RAP1GAP2: variants seen among roughly 807,000 people sequenced by gnomAD.
The protein encoded by RAP1GAP2 is rap1 GTPase-activating protein 2.
A neutral mutation model predicts 95.0 loss-of-function variants in RAP1GAP2; 27 were observed. The ratio of observed to expected loss-of-function variants is 0.28; its 90% confidence interval spans 0.21 to 0.39. The LOEUF (loss-of-function observed/expected upper bound fraction) is 0.39. Among genes scored for constraint, RAP1GAP2 ranks in the 10% least tolerant of loss-of-function variants. The pLI is 1.00. For missense variants in RAP1GAP2, 771 were observed against 970.0 expected (o/e 0.79, Z 2.72); for synonymous variants, 373 against 380.9 (o/e 0.98, Z 0.24).
chr17:2,821,804 A>G (rs770109405), intron 2 of RAP1GAP2, among the ~76,000 whole-genome samples: 6 of 152,092 alleles, frequency 3.9e-5, no homozygotes, highest in Non-Finnish European at 8.8e-5. Context: ...ACGCAGGTAC[A>G]GAACATTACA....
In RAP1GAP2 at chr17:2,797,421, G is replaced by A. The variant is rs2069124753; in HGVS notation, c.44+850G>A. On this transcript the variant is annotated intron_variant, in intron 1 of 24. Coordinates refer to ENST00000254695, the MANE Select transcript of RAP1GAP2 (RefSeq NM_015085.5). This position sits in a 1 kb window ranked among gnomAD's most constrained non-coding sequence, Gnocchi z 5.6. ...CGCAGCTGGGGAACAGAGTCTGGTG[G>A]TTTTCATGATCGGTTTCCTTTCAGT... is the stretch of plus-strand genomic sequence containing the variant. Among the ~76,000 whole-genome samples, 1 of 152,134 alleles carries A rather than the reference G, an allele frequency of 6.6e-6. No homozygotes were observed. The highest frequency in any genetic ancestry group is 1.5e-5 in the Non-Finnish European group (1 of 68,042).
intron 3 of RAP1GAP2, among the ~76,000 whole-genome samples, chr17:2,930,541 C>T (rs1387374857): frequency 1.3e-5 from 2 of 152,214 alleles, no homozygotes; most frequent in Non-Finnish European, 2.9e-5. Context: ...TTCAGTCTTG[C>T]CTGGCCTGCA....
intron 1 of RAP1GAP2, chr17:2,800,116 T>C (rs2151478495): frequency 1.2e-6 from 1 of 858,058 alleles, no homozygotes. Context: ...CAGATTGACA[T>C]CCGTGCTGAC....
chr17:2,848,910 C>T (rs1338677887), intron 2 of RAP1GAP2, among the ~76,000 whole-genome samples: 1 of 152,196 alleles, frequency 6.6e-6, no homozygotes, highest in Non-Finnish European at 1.5e-5. Context: ...TCTTCCCCCT[C>T]CTCTGTCTTC....
At chr17:2,806,379 A>T (rs999000518) in intron 2 of RAP1GAP2, among the ~76,000 whole-genome samples, 3 of 140,036 alleles carry the variant, frequency 2.1e-5, no homozygotes, top group Non-Finnish European at 3.0e-5. Context: ...CAACCTTTTT[A>T]TTATTATTAT....
chr17:2,828,330 C>A (rs2070674810), intron 2 of RAP1GAP2, among the ~76,000 whole-genome samples: 1 of 132,452 alleles, frequency 7.5e-6, no homozygotes, highest in Non-Finnish European at 1.6e-5. Flanking sequence ...GACAGTGAGA[C>A]TCCATCTCAA....
At chr17:2,838,623 C>G (rs975573084) in intron 2 of RAP1GAP2, among the ~76,000 whole-genome samples, 1 of 152,112 alleles carries the variant, frequency 6.6e-6, no homozygotes, top group South Asian at 2.1e-4. Context: ...GCTCATTCTC[C>G]GAGCTCCAGA....
chr17:2,962,588 C>T (rs1016969031), intron 4 of RAP1GAP2, 82 bp from the exon 5 acceptor site: 38 of 1,408,106 alleles, frequency 2.7e-5, no homozygotes, highest in Middle Eastern at 1.9e-4. Context: ...TTACTAACCC[C>T]CTGTAAGGCC....
intron 3 of RAP1GAP2, among the ~76,000 whole-genome samples, chr17:2,955,674 G>A (rs900892821): frequency 1.3e-5 from 2 of 152,020 alleles, no homozygotes; most frequent in African/African-American, 4.8e-5. Flanking sequence ...GCTTTCCTTC[G>A]TGCGTCGTTT....
At chr17:2,818,088 G>A (rs1229050016) in intron 2 of RAP1GAP2, among the ~76,000 whole-genome samples, 2 of 149,038 alleles carry the variant, frequency 1.3e-5, no homozygotes, top group African/African-American at 5.0e-5. Flanking sequence ...TGCCCTCCTC[G>A]GCCTCCTAAA....
At chr17:2,765,968 C>CCAAA (rs920421300) in intron 1 of RAP1GAP2, among the ~76,000 whole-genome samples, 184 of 152,048 alleles carry the variant, frequency 1.2e-3, no homozygotes, top group African/African-American at 3.4e-3. Context: ...GAACCTGTCT[C>CCAAA]CAAACAAACA....
chr17:2,956,905 G>A (rs1302528133), intron 3 of RAP1GAP2, among the ~76,000 whole-genome samples: 3 of 152,128 alleles, frequency 2.0e-5, no homozygotes, highest in South Asian at 2.1e-4. Context: ...AAGGCGGGAG[G>A]ATCACAAGGT....
chr17:2,776,021 A>T (rs150801659), upstream of RAP1GAP2, among the ~76,000 whole-genome samples: 2 of 152,198 alleles, frequency 1.3e-5, no homozygotes, highest in Admixed American at 1.3e-4. Flanking sequence ...TCTACTAAAA[A>T]TACAAAAAGT....
chr17:2,863,847 G>A (rs947311503), intron 2 of RAP1GAP2, among the ~76,000 whole-genome samples: 1 of 152,028 alleles, frequency 6.6e-6, no homozygotes, highest in African/African-American at 2.4e-5. Context: ...ACCTGAGGTC[G>A]GGAGTTCGAG....
Position 2,866,014 on chromosome 17 carries a change from C to T in RAP1GAP2, c.81-39270C>T, listed in dbSNP as rs574544875. 1.6e-4 allele frequency among the ~76,000 whole-genome samples: 25 copies of T among 152,230 alleles called. No homozygotes were observed. Among genetic ancestry groups the T allele is most frequent in the Non-Finnish European group, 2.6e-4 (18 of 68,046 alleles). The stretch of plus-strand genomic sequence containing the variant: ...CCATGCTCCTGAAGCAGAGATCAAC[C>T]ATGGAATGTGAATCCAAGACAGAAG... On this transcript the variant is annotated intron_variant, in intron 2 of 24. Transcript: ENST00000254695. This position sits in a 1 kb window ranked among gnomAD's most constrained non-coding sequence, Gnocchi z 4.0.
At chr17:2,977,138 GAAAA>G (rs538717532) in intron 8 of RAP1GAP2, among the ~76,000 whole-genome samples, 1 of 145,924 alleles carries the variant, frequency 6.9e-6, no homozygotes, top group South Asian at 2.2e-4. Context: ...AAAAAAAAAA[GAAAA>G]AAAGAAAAGA....
intron 2 of RAP1GAP2, among the ~76,000 whole-genome samples, chr17:2,865,085 CAG>C (rs1419545692): frequency 6.6e-6 from 1 of 152,170 alleles, no homozygotes; most frequent in East Asian, 1.9e-4. Context: ...GCTCGTATAA[CAG>C]AGCTGGGATT....
At chr17:2,821,297 T>C (rs529822249) in intron 2 of RAP1GAP2, among the ~76,000 whole-genome samples, 8 of 151,984 alleles carry the variant, frequency 5.3e-5, no homozygotes, top group Non-Finnish European at 1.5e-5. Context: ...TTAGAGAATA[T>C]GTACAAATAG....
intron 2 of RAP1GAP2, among the ~76,000 whole-genome samples, chr17:2,858,805 C>T (rs944458507): frequency 2.0e-5 from 3 of 151,842 alleles, no homozygotes; most frequent in South Asian, 2.1e-4. Context: ...CCCAGCTACT[C>T]GGGAGGCTGA....
Sources: gnomAD v4.1 joint callset for allele counts (sites outside exome capture counted in the v4.1 genomes callset) on GRCh38, gnomAD v4.1.1 for gene constraint, Gnocchi (gnomAD v3.1) non-coding constraint, MANE v1.5 for transcripts, NCBI Gene and HGNC (gene_info 2026-07-23, HGNC 2026-07-21) for gene names.